The following SYT1 variants were observed in gnomAD, a reference collection of about 807,000 sequenced individuals.
The protein encoded by SYT1 is synaptotagmin 1.
Under a neutral mutation model 44.8 loss-of-function variants are expected in SYT1, and 8 were observed. That is an observed-to-expected ratio of 0.18 (90% CI 0.10 to 0.32). The LOEUF (loss-of-function observed/expected upper bound fraction) is 0.32, where lower values mean the gene tolerates loss of function less well. Ranked by LOEUF, SYT1 falls within the 10% of genes least tolerant of loss-of-function variation. The probability of loss-of-function intolerance (pLI) is 1.00; values close to 1 mark genes in which losing one functional copy is unlikely to be tolerated. For missense variants in SYT1, 286 were observed against 509.3 expected (o/e 0.56, Z 4.22); for synonymous variants, 154 against 188.8 (o/e 0.82, Z 1.51).
At chr12:78,980,511 T>C (rs754647865) in intron 2 of SYT1, among the ~76,000 whole-genome samples, 5 of 152,196 alleles carry the variant, frequency 3.3e-5, no homozygotes, top group Non-Finnish European at 5.9e-5. Flanking sequence ...GTTTTGAAGA[T>C]TGTATTTAGA....
At chr12:79,009,236 T>C (rs1331153157) in intron 2 of SYT1, among the ~76,000 whole-genome samples, 1 of 152,208 alleles carries the variant, frequency 6.6e-6, no homozygotes, top group Non-Finnish European at 1.5e-5. Flanking sequence ...CTGTGTATCG[T>C]ATTTTCCTAC....
rs888605621 is a variant in SYT1 at position 79,241,817 on chromosome 12, CT to C, written c.166+24141del. On this transcript the variant is annotated intron_variant, in intron 4 of 10. Transcript: ENST00000261205. ...ATGTGACTTCTTTAGAAATAGATCA[CT>C]TTTTTTTTGAAGATCGAATCAAGTT... Among the ~76,000 whole-genome samples the C allele has an allele frequency of 4.0e-5, 6 of 151,742 alleles. No individual in the cohort carries two copies. The South Asian group carries it at 6.3e-4, about 16-fold the overall frequency.
chr12:78,888,288 T>C (rs1874857532), intron 1 of SYT1, among the ~76,000 whole-genome samples: 1 of 151,910 alleles, frequency 6.6e-6, no homozygotes, highest in Admixed American at 6.6e-5. Flanking sequence ...AGACCTCATC[T>C]TCATTTCCTC....
intron 3 of SYT1, among the ~76,000 whole-genome samples, chr12:79,175,182 C>A (rs917610734): frequency 2.0e-5 from 3 of 151,994 alleles, no homozygotes; most frequent in Non-Finnish European, 2.9e-5. Context: ...ATGGGACTTA[C>A]ACTGTATTCA....
chr12:79,047,260 A>T (rs1171257389), intron 2 of SYT1, 37 bp from the exon 3 acceptor site: 2 of 151,762 alleles, frequency 1.3e-5, no homozygotes, highest in Non-Finnish European at 3.0e-5. Context: ...AACTATGTGT[A>T]GTCAAGTAAC....
intron 6 of SYT1, among the ~76,000 whole-genome samples, chr12:79,294,121 T>G (rs1169150717): frequency 6.6e-6 from 1 of 152,100 alleles, no homozygotes; most frequent in Non-Finnish European, 1.5e-5. Context: ...GGTGTCTCAT[T>G]CTGATTAGTC....
At chr12:79,347,435 C>A (rs1283886689) in intron 8 of SYT1, among the ~76,000 whole-genome samples, 1 of 152,192 alleles carries the variant, frequency 6.6e-6, no homozygotes, top group East Asian at 1.9e-4. Flanking sequence ...ACTCTCCCAG[C>A]TCCAGAGTTC....
chr12:79,330,625 T>C (rs1346306122), intron 8 of SYT1, among the ~76,000 whole-genome samples: 2 of 152,208 alleles, frequency 1.3e-5, no homozygotes, highest in African/African-American at 4.8e-5. Context: ...TTACGTGAAA[T>C]ACCTAGCATA....
chr12:79,004,304 A>G (rs1297108821), intron 2 of SYT1, among the ~76,000 whole-genome samples: 2 of 151,956 alleles, frequency 1.3e-5, no homozygotes, highest in African/African-American at 4.8e-5. Flanking sequence ...AAGTAATTAT[A>G]GCATGTAACT....
chr12:79,146,613 C>G (rs934821136), intron 3 of SYT1, among the ~76,000 whole-genome samples: 1 of 151,996 alleles, frequency 6.6e-6, no homozygotes, highest in African/African-American at 2.4e-5. Flanking sequence ...ACCTCAGAAG[C>G]CAGGAGACAT....
At chr12:78,897,349 C>T (rs545157510) in intron 1 of SYT1, among the ~76,000 whole-genome samples, 1 of 151,812 alleles carries the variant, frequency 6.6e-6, no homozygotes, top group African/African-American at 2.4e-5. Flanking sequence ...GGAATATTAC[C>T]CAGTAAACTA....
At chr12:79,114,235 C>T (rs929070506) in intron 3 of SYT1, among the ~76,000 whole-genome samples, 2 of 152,080 alleles carry the variant, frequency 1.3e-5, no homozygotes, top group Non-Finnish European at 2.9e-5. Context: ...TGGGAGAGCA[C>T]GGCTTTATGG....
intron 1 of SYT1, among the ~76,000 whole-genome samples, chr12:78,950,193 A>T (rs951056845): frequency 2.0e-5 from 3 of 152,076 alleles, no homozygotes; most frequent in African/African-American, 7.2e-5. Context: ...ATTTTGCTAT[A>T]GACTAGATTT....
At chr12:79,389,641 T>G (rs1015089463) in intron 9 of SYT1, among the ~76,000 whole-genome samples, 1 of 152,242 alleles carries the variant, frequency 6.6e-6, no homozygotes, top group Non-Finnish European at 1.5e-5. Context: ...AATTATATTT[T>G]TATACCACCA....
At chr12:79,111,890 C>A (rs185914821) in intron 3 of SYT1, among the ~76,000 whole-genome samples, 90 of 152,072 alleles carry the variant, frequency 5.9e-4, no homozygotes, top group African/African-American at 2.1e-3. Flanking sequence ...TTTACTACAC[C>A]GAAGTGTTTA....
Position 79,446,031 on chromosome 12 carries a change from ATATT to A in SYT1, c.1062+1826_1062+1829del, listed in dbSNP as rs1175067443. Among the ~76,000 whole-genome samples, 12 of 127,142 alleles carry A rather than the reference ATATT, an allele frequency of 9.4e-5. No individual in the cohort carries two copies. The East Asian group carries it at 1.6e-3, about 17-fold the overall frequency. The allele number at this position is 127,142 out of a possible 152,430, so 83.4% of individuals were successfully genotyped here. A position where few individuals can be genotyped will look rare whatever the true frequency, so the allele number is the denominator to read the frequency against. On this transcript the variant is annotated intron_variant, in intron 10 of 10. Coordinates refer to ENST00000261205, the MANE Select transcript of SYT1 (RefSeq NM_005639.3). ...TATATATATATATATATATATATATATATTATGCCTAGGTCCAAGTTAACCACTT... is the reference window on the plus strand; with the variant it reads ...TATATATATATATATATATATATATAATGCCTAGGTCCAAGTTAACCACTT...
chr12:79,187,468 G>C (rs1219095798), intron 3 of SYT1, among the ~76,000 whole-genome samples: 6 of 152,040 alleles, frequency 3.9e-5, no homozygotes, highest in African/African-American at 7.2e-5. Context: ...TGCAACAGCT[G>C]ACAAGCACCT....
At chr12:79,150,402 A>G (rs1942603653) in intron 3 of SYT1, among the ~76,000 whole-genome samples, 1 of 152,228 alleles carries the variant, frequency 6.6e-6, no homozygotes, top group African/African-American at 2.4e-5. Context: ...TAAAAGTCAA[A>G]CTCACAGAAG....
intron 7 of SYT1, among the ~76,000 whole-genome samples, chr12:79,298,303 A>G (rs756987686): frequency 1.3e-5 from 2 of 152,158 alleles, no homozygotes; most frequent in Non-Finnish European, 2.9e-5. Flanking sequence ...GATGATGCTT[A>G]CTTTTTAATC....
Sources: allele counts gnomAD v4.1 joint callset (sites outside exome capture counted in the v4.1 genomes callset), GRCh38; gene constraint gnomAD v4.1.1; transcripts MANE v1.5; gene names NCBI Gene and HGNC (gene_info 2026-07-23, HGNC 2026-07-21).